HSD17B12: variants seen among roughly 807,000 people sequenced by gnomAD.
HSD17B12 encodes very-long-chain 3-oxoacyl-CoA reductase.
A neutral mutation model predicts 39.3 loss-of-function variants in HSD17B12; 32 were observed. That is an observed-to-expected ratio of 0.81 (90% CI 0.61 to 1.09). The LOEUF (loss-of-function observed/expected upper bound fraction) is 1.09, where lower values mean the gene tolerates loss of function less well. Ranked by LOEUF, HSD17B12 falls within the 50% of genes least tolerant of loss-of-function variation. The probability of loss-of-function intolerance (pLI) is 0.00; values close to 1 mark genes in which losing one functional copy is unlikely to be tolerated. For missense variants in HSD17B12, 342 were observed against 382.9 expected, an observed-to-expected ratio of 0.89 and a Z score of 0.89; for synonymous variants, 150 against 146.7, an observed-to-expected ratio of 1.02 and a Z score of -0.16.
chr11:43,810,940 A>C (rs1951067480), intron 4 of HSD17B12, among the ~76,000 whole-genome samples: 1 of 152,222 alleles, frequency 6.6e-6, no homozygotes, highest in East Asian at 1.9e-4. Context: ...ATCTTCAACT[A>C]TCTGAATAAT....
At chr11:43,798,468 A>G in intron 4 of HSD17B12, 41 bp downstream of exon 4, 1 of 1,264,002 alleles carries the variant, frequency 7.9e-7, no homozygotes, top group South Asian at 1.3e-5. Context: ...TCTTGTATTT[A>G]TTATTTGACT....
At chr11:43,796,960 A>C (rs1176782206) in intron 3 of HSD17B12, among the ~76,000 whole-genome samples, 1 of 152,182 alleles carries the variant, frequency 6.6e-6, no homozygotes, top group Admixed American at 6.5e-5. Flanking sequence ...GTGAAATTAC[A>C]GCTCTGTCTC....
chr11:43,766,115 G>A lies in HSD17B12; in HGVS notation c.283+11994G>A, dbSNP rs191041845. Among the ~76,000 whole-genome samples the A allele has an allele frequency of 1.4e-3, 208 of 152,324 alleles. 1 individual carries two copies. Among genetic ancestry groups the A allele is most frequent in the African/African-American group, 4.8e-3 (199 of 41,574 alleles). On this transcript the variant is annotated intron_variant, in intron 3 of 10. Transcript: ENST00000278353. ...GCTGGGATTACAGGCGTGAGCCACCGTGCCCGGCCTCGCCTTTTCTTAACG... is the reference window on the plus strand; with the variant it reads ...GCTGGGATTACAGGCGTGAGCCACCATGCCCGGCCTCGCCTTTTCTTAACG...
chr11:43,561,924 A>G, the HSD17B12 span, among the ~76,000 whole-genome samples: 1 of 152,204 alleles, frequency 6.6e-6, no homozygotes, highest in African/African-American at 2.4e-5. Flanking sequence ...TAGCTGACTC[A>G]GAGTATGTCT....
chr11:43,757,338 A>C (rs1781718653), intron 3 of HSD17B12, among the ~76,000 whole-genome samples: 2 of 152,190 alleles, frequency 1.3e-5, no homozygotes, highest in South Asian at 4.1e-4. Flanking sequence ...GGAGACAGTA[A>C]AAACAAATAG....
the HSD17B12 span, among the ~76,000 whole-genome samples, chr11:43,561,880 G>A: frequency 2.0e-5 from 3 of 152,158 alleles, no homozygotes; most frequent in African/African-American, 4.8e-5. Flanking sequence ...AGCCTAGCAC[G>A]GTGCTTGACC....
chr11:43,774,396 G>T (rs1019300925), intron 3 of HSD17B12, among the ~76,000 whole-genome samples: 1 of 151,990 alleles, frequency 6.6e-6, no homozygotes, highest in African/African-American at 2.4e-5. Context: ...TGTGTTTTTA[G>T]TAGAGGCAGG....
chr11:43,851,435 A>G (rs971712416), intron 9 of HSD17B12, among the ~76,000 whole-genome samples: 8 of 152,344 alleles, frequency 5.3e-5, no homozygotes, highest in African/African-American at 1.9e-4. Flanking sequence ...GTGTACCTAG[A>G]TGGCTTTTTG....
At chr11:43,727,344 A>T (rs1198778249) in intron 1 of HSD17B12, among the ~76,000 whole-genome samples, 1 of 152,244 alleles carries the variant, frequency 6.6e-6, no homozygotes, top group African/African-American at 2.4e-5. Context: ...GGATCAGCTA[A>T]CTAACCGAAG....
At chr11:43,628,256 C>T in the HSD17B12 span, among the ~76,000 whole-genome samples, 1 of 151,894 alleles carries the variant, frequency 6.6e-6, no homozygotes, top group African/African-American at 2.4e-5. Context: ...CCAAAAAAAA[C>T]CTTCTGGTCT....
At chr11:43,650,455 G>C in the HSD17B12 span, among the ~76,000 whole-genome samples, 1 of 152,316 alleles carries the variant, frequency 6.6e-6, no homozygotes, top group Middle Eastern at 3.4e-3. Context: ...AAATGAGAAA[G>C]ATGGATGATG....
intron 9 of HSD17B12, among the ~76,000 whole-genome samples, chr11:43,844,853 T>C (rs538046806): frequency 5.1e-4 from 77 of 152,380 alleles, no homozygotes; most frequent in African/African-American, 1.8e-3. Flanking sequence ...GACAATACTC[T>C]GATACCCTTT....
intron 3 of HSD17B12, among the ~76,000 whole-genome samples, chr11:43,776,999 A>G (rs1950712313): frequency 6.6e-6 from 1 of 152,058 alleles, no homozygotes; most frequent in Admixed American, 6.5e-5. Context: ...TGCTGTTTTG[A>G]TTACTGTAGC....
At chr11:43,703,254 G>A (rs1431501119) in intron 1 of HSD17B12, among the ~76,000 whole-genome samples, 1 of 152,032 alleles carries the variant, frequency 6.6e-6, no homozygotes, top group Non-Finnish European at 1.5e-5. Flanking sequence ...GAGTGCAGTG[G>A]CGGGATCTTG....
chr11:43,817,978 A>G lies in HSD17B12; in HGVS notation c.501+1587A>G, dbSNP rs1031743377. 3.3e-5 allele frequency among the ~76,000 whole-genome samples: 5 copies of G among 152,138 alleles called. No individual in the cohort carries two copies. The East Asian group carries it at 9.6e-4, about 29-fold the overall frequency. On this transcript the variant is annotated intron_variant, in intron 6 of 10. Coordinates refer to ENST00000278353, the MANE Select transcript of HSD17B12 (RefSeq NM_016142.3). ...ATATTGATTCTACCCATCCATGATC[A>G]TGGGATGTATTTCCATTTGTTTATG...
At chr11:43,757,785 G>C (rs1009658835) in intron 3 of HSD17B12, among the ~76,000 whole-genome samples, 1 of 151,374 alleles carries the variant, frequency 6.6e-6, no homozygotes, top group African/African-American at 2.4e-5. Flanking sequence ...GGGCTAGAGA[G>C]ATAACAATAG....
chr11:43,653,284 A>G, the HSD17B12 span, among the ~76,000 whole-genome samples: 2 of 152,208 alleles, frequency 1.3e-5, no homozygotes, highest in African/African-American at 2.4e-5. Context: ...CTCATACTGT[A>G]TTCAAAGATG....
At chr11:43,594,410 A>G in the HSD17B12 span, among the ~76,000 whole-genome samples, 1 of 152,152 alleles carries the variant, frequency 6.6e-6, no homozygotes, top group African/African-American at 2.4e-5. Context: ...AGCATTCAAT[A>G]TAGAAAAAAA....
At chr11:43,716,476 A>T (rs1950124102) in intron 1 of HSD17B12, among the ~76,000 whole-genome samples, 1 of 152,076 alleles carries the variant, frequency 6.6e-6, no homozygotes, top group Admixed American at 6.6e-5. Context: ...TTGCGATTTC[A>T]TCTTCTCCTT....
Sources: allele counts gnomAD v4.1 joint callset (sites outside exome capture counted in the v4.1 genomes callset), GRCh38; gene constraint gnomAD v4.1.1; transcripts MANE v1.5; gene names NCBI Gene and HGNC (gene_info 2026-07-23, HGNC 2026-07-21).